AGPS: variants seen among roughly 807,000 people sequenced by gnomAD.
The protein encoded by AGPS is alkyldihydroxyacetonephosphate synthase, peroxisomal.
In AGPS, 26 loss-of-function variants were observed where a neutral mutation model predicts 90.7. The observed-to-expected ratio is 0.29, with a 90% CI of 0.21 to 0.40. AGPS has a LOEUF of 0.40. Among genes scored for constraint, AGPS ranks in the 10% least tolerant of loss-of-function variants. AGPS has a pLI of 1.00. For missense variants in AGPS, 540 were observed against 816.1 expected (o/e 0.66, Z 4.12); for synonymous variants, 294 against 285.3 (o/e 1.03, Z -0.31).
chr2:177,474,525 GC>G (rs1238499319), intron 10 of AGPS, among the ~76,000 whole-genome samples: 1 of 152,170 alleles, frequency 6.6e-6, no homozygotes, highest in Non-Finnish European at 1.5e-5. Context: ...GCACAGGCGG[GC>G]CCCCAGTCTG....
chr2:177,533,480 A>G (rs2079155977), intron 19 of AGPS, among the ~76,000 whole-genome samples: 1 of 152,046 alleles, frequency 6.6e-6, no homozygotes, highest in African/African-American at 2.4e-5. Context: ...CACATGCTGT[A>G]CCTTTAGTAG....
intron 18 of AGPS, among the ~76,000 whole-genome samples, chr2:177,523,515 A>C (rs1213073537): frequency 6.6e-6 from 1 of 152,196 alleles, no homozygotes; most frequent in African/African-American, 2.4e-5. Flanking sequence ...TTTTCCCTAG[A>C]ATCTCAAAGT....
chr2:177,489,682 T>C (rs563348282), intron 11 of AGPS, among the ~76,000 whole-genome samples: 1 of 152,326 alleles, frequency 6.6e-6, no homozygotes, highest in East Asian at 1.9e-4. Flanking sequence ...TTCAGACTAT[T>C]AAGTATAAAA....
In AGPS at chr2:177,538,324, G is replaced by C; in HGVS notation, c.*129G>C. 1 of 1,037,664 alleles carries C rather than the reference G, an allele frequency of 9.6e-7. No individual in the cohort carries two copies. Among genetic ancestry groups the C allele is most frequent in the Non-Finnish European group, 1.4e-6 (1 of 710,876 alleles). 64.3% of individuals were successfully genotyped at this position (1,037,664 alleles called of 1,614,324 possible). On this transcript the variant is annotated 3_prime_UTR_variant, in exon 20 of 20. Transcript: ENST00000264167. ...TGTTTCTTTGGTTTAAAATAAGTTT[G>C]TTTTCATTCTGTAGTTTGTTTTGTT...
intron 1 of AGPS, among the ~76,000 whole-genome samples, chr2:177,403,004 C>T (rs1685371651): frequency 6.6e-6 from 1 of 152,146 alleles, no homozygotes; most frequent in African/African-American, 2.4e-5. Flanking sequence ...TTGCAGTGAG[C>T]CGAGATCATG....
chr2:177,493,398 G>A (rs1432356974), intron 12 of AGPS, among the ~76,000 whole-genome samples, 199 bp downstream of exon 12: 1 of 152,162 alleles, frequency 6.6e-6, no homozygotes, highest in Non-Finnish European at 1.5e-5. Context: ...GACTGCACTG[G>A]ATACCATGGG....
chr2:177,436,992 A>G lies in AGPS; in HGVS notation c.575A>G (p.His192Arg). 1 of 1,613,518 alleles carries G rather than the reference A, an allele frequency of 6.2e-7. No individual in the cohort carries two copies. The highest frequency in any genetic ancestry group is 8.5e-7 in the Non-Finnish European group (1 of 1,179,742). ...RVFRAHGHCL[H>R]EIFLLREGMF... ...AACCACAAAACAGGTCATTGTCTTC[A>G]TGAGATATTTTTGCTCAGGGAAGGA... Residue 192 changes from histidine (H) to arginine (R), a missense_variant, in exon 5 of 20, where the codon CAT (histidine) becomes CGT (arginine). This residue lies in a region of AGPS where 405 missense variants were observed against 692.1 expected (regional missense o/e 0.59). Coordinates refer to ENST00000264167, the MANE Select transcript of AGPS (RefSeq NM_003659.4).
chr2:177,440,921 T>C (rs1686584258), intron 5 of AGPS, 44 bp from the exon 6 acceptor site: 1 of 1,530,652 alleles, frequency 6.5e-7, no homozygotes, highest in African/African-American at 1.4e-5. Flanking sequence ...TATCAGATTT[T>C]ATTTATGCCT....
chr2:177,413,476 G>T (rs995428530), intron 1 of AGPS, among the ~76,000 whole-genome samples: 1 of 152,228 alleles, frequency 6.6e-6, no homozygotes, highest in Non-Finnish European at 1.5e-5. Context: ...CAAGCATGGA[G>T]TGAGCAATGA....
intron 8 of AGPS, among the ~76,000 whole-genome samples, chr2:177,457,431 C>T (rs867649372): frequency 5.9e-5 from 9 of 151,570 alleles, no homozygotes; most frequent in South Asian, 2.1e-4. Context: ...CAAAATAGAC[C>T]GCTAGCCGAC....
intron 8 of AGPS, among the ~76,000 whole-genome samples, chr2:177,458,979 A>G (rs762159258): frequency 1.7e-4 from 26 of 152,220 alleles, no homozygotes; most frequent in Non-Finnish European, 3.1e-4. Context: ...AAACAGATGT[A>G]TAGGCCAATG....
At chr2:177,444,029 A>T (rs890004340) in intron 7 of AGPS, among the ~76,000 whole-genome samples, 5 of 152,202 alleles carry the variant, frequency 3.3e-5, no homozygotes, top group Non-Finnish European at 5.9e-5. Flanking sequence ...CCATCAGATC[A>T]ATAAATTCTT....
chr2:177,421,692 C>G (rs962151687), intron 2 of AGPS, among the ~76,000 whole-genome samples: 1 of 152,000 alleles, frequency 6.6e-6, no homozygotes, highest in African/African-American at 2.4e-5. Context: ...TACCAGTGTT[C>G]TAAATGTGGA....
intron 3 of AGPS, among the ~76,000 whole-genome samples, chr2:177,436,385 C>T (rs911976817): frequency 5.3e-5 from 8 of 151,996 alleles, no homozygotes; most frequent in Non-Finnish European, 8.8e-5. Context: ...CTCCTGACCT[C>T]GTGATCTGCC....
chr2:177,502,250 ATT>A (rs11300745), intron 14 of AGPS, among the ~76,000 whole-genome samples: 64 of 149,080 alleles, frequency 4.3e-4, no homozygotes, highest in African/African-American at 5.2e-4. Flanking sequence ...TTGAGGTCTC[ATT>A]TTTTTTTTTT....
chr2:177,475,274 G>A (rs914550902), intron 10 of AGPS, among the ~76,000 whole-genome samples: 5 of 152,142 alleles, frequency 3.3e-5, no homozygotes, highest in Non-Finnish European at 7.4e-5. Context: ...AAGGAAATTC[G>A]CAAATTAAAG....
chr2:177,451,022 C>T lies in AGPS; in HGVS notation c.870+5396C>T, dbSNP rs192801103. On this transcript the variant is annotated intron_variant, in intron 8 of 19. Coordinates refer to ENST00000264167, the MANE Select transcript of AGPS (RefSeq NM_003659.4). ...TGTTGCCCAGGCTGGAGTCTAGTGGCACCATCATAGCTCACTGTAACCTTA... is the reference window on the plus strand; with the variant it reads ...TGTTGCCCAGGCTGGAGTCTAGTGGTACCATCATAGCTCACTGTAACCTTA... 1.6e-3 allele frequency among the ~76,000 whole-genome samples: 44 copies of T among 28,076 alleles called. No homozygotes were observed. The East Asian group carries it at 0.033, about 21-fold the overall frequency. 18.4% of individuals were successfully genotyped at this position (28,076 alleles called of 152,430 possible). A position where few individuals can be genotyped will look rare whatever the true frequency, so the allele number is the denominator to read the frequency against.
chr2:177,508,097 C>A, intron 16 of AGPS, 66 bp downstream of exon 16: 1 of 1,232,766 alleles, frequency 8.1e-7, no homozygotes, highest in South Asian at 1.2e-5. Context: ...AGTAATGTTT[C>A]TTTTTGTGTG....
chr2:177,488,755 C>G lies in AGPS; in HGVS notation c.1234-4393C>G, dbSNP rs539575169. Among the ~76,000 whole-genome samples the G allele has an allele frequency of 7.0e-4, 107 of 152,244 alleles. No homozygotes were observed. In the Middle Eastern group the frequency reaches 0.01, roughly 15 times the overall value. On this transcript the variant is annotated intron_variant, in intron 11 of 19. Coordinates refer to ENST00000264167, the MANE Select transcript of AGPS (RefSeq NM_003659.4). The stretch of plus-strand genomic sequence containing the variant: ...TCTAGGCTCAAGAATTTGGGCTGTT[C>G]CAGAGTCTACATAGGATGTGGATTT...
Sources: allele counts gnomAD v4.1 joint callset (sites outside exome capture counted in the v4.1 genomes callset), GRCh38; gene constraint gnomAD v4.1.1; regional missense constraint gnomAD v4.1.1; transcripts MANE v1.5; gene names NCBI Gene and HGNC (gene_info 2026-07-23, HGNC 2026-07-21).